The following CTBP2 variants were observed in gnomAD, a reference collection of about 807,000 sequenced individuals.
CTBP2 encodes C-terminal-binding protein 2.
In CTBP2, 30 loss-of-function variants were observed where a neutral mutation model predicts 80.3. That is an observed-to-expected ratio of 0.37 (90% CI 0.28 to 0.51). The LOEUF (loss-of-function observed/expected upper bound fraction) is 0.51, where lower values mean the gene tolerates loss of function less well. Among genes scored for constraint, CTBP2 ranks in the 20% least tolerant of loss-of-function variants. The pLI is 0.93. For synonymous variants in CTBP2, 594 were observed against 587.4 expected, an observed-to-expected ratio of 1.01 and a Z score of -0.16; for missense variants, 1,212 against 1,375.3, an observed-to-expected ratio of 0.88 and a Z score of 1.88.
chr10:125,122,644 G>A (rs956205830), intron 1 of CTBP2: 1 of 152,212 alleles, frequency 6.6e-6, no homozygotes, highest in Non-Finnish European at 1.5e-5. Context: ...CAACACAGAT[G>A]AACAAAACTC....
At chr10:125,138,883 C>A (rs144744468) in intron 1 of CTBP2, among the ~76,000 whole-genome samples, 1 of 152,130 alleles carries the variant, frequency 6.6e-6, no homozygotes, top group African/African-American at 2.4e-5. Flanking sequence ...GCAAAGGAAC[C>A]GGCTTCTGAT....
At chr10:125,034,531 G>A (rs953003518) in intron 3 of CTBP2, among the ~76,000 whole-genome samples, 4 of 152,138 alleles carry the variant, frequency 2.6e-5, no homozygotes, top group Admixed American at 6.5e-5. Context: ...ATAATTGCCT[G>A]ATCCCAACAT....
chr10:125,049,376 A>C (rs963462517), intron 2 of CTBP2, among the ~76,000 whole-genome samples: 7 of 152,220 alleles, frequency 4.6e-5, no homozygotes, highest in Non-Finnish European at 1.0e-4. Context: ...CTGATTTGGC[A>C]GAGGATGCCT....
At chr10:125,106,010 C>A (rs1007478855) in intron 2 of CTBP2, among the ~76,000 whole-genome samples, 7 of 152,184 alleles carry the variant, frequency 4.6e-5, no homozygotes, top group Non-Finnish European at 1.0e-4. Flanking sequence ...TTAACAAACA[C>A]ACGCTCCAAG....
At chr10:125,067,050 C>G (rs182075545) in intron 2 of CTBP2, among the ~76,000 whole-genome samples, 3 of 152,324 alleles carry the variant, frequency 2.0e-5, no homozygotes, top group African/African-American at 7.2e-5. Flanking sequence ...CCACGTCCAC[C>G]TGCTATGTGG....
chr10:125,094,543 C>T (rs1849261597), intron 2 of CTBP2, among the ~76,000 whole-genome samples: 1 of 152,176 alleles, frequency 6.6e-6, no homozygotes, highest in Non-Finnish European at 1.5e-5. Flanking sequence ...GGCTCAAGTA[C>T]AGTGTGACAA....
chr10:125,101,885 A>G (rs1850682280), intron 2 of CTBP2, among the ~76,000 whole-genome samples: 1 of 151,976 alleles, frequency 6.6e-6, no homozygotes, highest in African/African-American at 2.4e-5. Flanking sequence ...TACAAGTGCA[A>G]TTTTCTACAT....
intron 1 of CTBP2, among the ~76,000 whole-genome samples, chr10:125,015,829 C>T (rs1028249455): frequency 1.3e-3 from 196 of 152,334 alleles, no homozygotes; most frequent in Non-Finnish European, 4.3e-4. Context: ...TCTGGCAGAG[C>T]GGCCAGCTGC....
intron 3 of CTBP2, among the ~76,000 whole-genome samples, chr10:125,038,067 C>T (rs569888197): frequency 6.6e-6 from 1 of 152,336 alleles, no homozygotes; most frequent in African/African-American, 2.4e-5. Context: ...CTTTTGTGTT[C>T]TTGCAGCGCA....
intron 1 of CTBP2, among the ~76,000 whole-genome samples, chr10:125,133,062 A>T (rs900526222): frequency 6.6e-6 from 1 of 152,200 alleles, no homozygotes; most frequent in African/African-American, 2.4e-5. Context: ...TTGGCCCTGC[A>T]CCTGCTTGCT....
intron 2 of CTBP2, among the ~76,000 whole-genome samples, chr10:125,092,692 G>A (rs576986829): frequency 3.9e-4 from 60 of 152,280 alleles, no homozygotes; most frequent in Non-Finnish European, 5.6e-4. Context: ...TGGTGCCATC[G>A]GGAGGTGGTG....
intron 1 of CTBP2, among the ~76,000 whole-genome samples, chr10:125,133,088 TG>T (rs956048298): frequency 2.6e-5 from 4 of 152,140 alleles, no homozygotes; most frequent in Admixed American, 2.6e-4. Context: ...TCCTTGATTG[TG>T]GGGGAAGCAG....
At chr10:125,014,313 G>A (rs112211310) in intron 1 of CTBP2, among the ~76,000 whole-genome samples, 9 of 152,302 alleles carry the variant, frequency 5.9e-5, no homozygotes, top group South Asian at 4.1e-4. Flanking sequence ...TTTACTGGGC[G>A]TGGTGCCACG....
At chr10:125,098,724 C>G (rs1152682) in intron 2 of CTBP2, among the ~76,000 whole-genome samples, 15,658 of 73,272 alleles carry the variant, frequency 0.21, 169 homozygotes, top group South Asian at 0.24. Flanking sequence ...GAGAGAGAGA[C>G]AGAGAGAGAG....
At chr10:125,116,639 C>A (rs1381204822) in intron 1 of CTBP2, among the ~76,000 whole-genome samples, 1 of 152,216 alleles carries the variant, frequency 6.6e-6, no homozygotes, top group Non-Finnish European at 1.5e-5. Flanking sequence ...CCTAGCCTGA[C>A]ACTCCCTAGA....
rs372822113 is a variant in CTBP2 at position 125,008,920 on chromosome 10, T to C, written c.1679-5428A>G. On this transcript the variant is annotated intron_variant, in intron 1 of 8. Transcript: ENST00000309035. ...GTCATAGCCTGTTCCTCTTCCTTAT[T>C]TGAAGGTGTTTTTACCTTTCTCAAC... Among the ~76,000 whole-genome samples the C allele has an allele frequency of 7.9e-5, 12 of 152,366 alleles. No homozygotes were observed. In the East Asian group the frequency reaches 2.3e-3, roughly 29 times the overall value.
chr10:125,013,689 C>T (rs76449802), intron 1 of CTBP2, among the ~76,000 whole-genome samples: 11,658 of 152,192 alleles, frequency 0.077, 618 homozygotes, highest in Admixed American at 0.16. Context: ...GTAACGGAGG[C>T]GGGGGGAACT....
intron 1 of CTBP2, among the ~76,000 whole-genome samples, chr10:125,148,226 A>C (rs1859159488): frequency 6.6e-6 from 1 of 152,182 alleles, no homozygotes; most frequent in Non-Finnish European, 1.5e-5. Flanking sequence ...ACCAGCCACC[A>C]AAGTGAGCAC....
rs1952152325 is a variant in CTBP2, at chr10:124,988,469, ATTTT to A, written c.*1045_*1048del. 6.6e-6 allele frequency: 1 copy of A among 152,660 alleles called. No individual in the cohort carries two copies. Among genetic ancestry groups the A allele is most frequent in the Non-Finnish European group, 1.5e-5 (1 of 68,038 alleles). 9.5% of individuals were successfully genotyped at this position (152,660 alleles called of 1,614,324 possible). A position where few individuals can be genotyped will look rare whatever the true frequency, so the allele number is the denominator to read the frequency against. On this transcript the variant is annotated 3_prime_UTR_variant, in exon 9 of 9. Coordinates refer to ENST00000309035, the MANE Select transcript of CTBP2 (RefSeq NM_022802.3). ...AGCCATTATTTTTCTGTTTGGGACA[ATTTT>A]AAAGTTTTTCTTTTGTCACAAAAAC... is the stretch of plus-strand genomic sequence containing the variant.
Sources: gnomAD v4.1 joint callset for allele counts (sites outside exome capture counted in the v4.1 genomes callset) on GRCh38, gnomAD v4.1.1 for gene constraint, MANE v1.5 for transcripts, NCBI Gene and HGNC (gene_info 2026-07-23, HGNC 2026-07-21) for gene names.